Variants in USP7 observed in about 807,000 individuals in gnomAD.
The protein encoded by USP7 is ubiquitin specific peptidase 7.
Under a neutral mutation model 162.9 loss-of-function variants are expected in USP7, and 9 were observed. That is an observed-to-expected ratio of 0.06 (90% CI 0.03 to 0.10). The LOEUF (loss-of-function observed/expected upper bound fraction) is 0.10. Among genes scored for constraint, USP7 ranks in the 10% least tolerant of loss-of-function variants. USP7 has a pLI of 1.00. For missense variants in USP7, 715 were observed against 1,373.7 expected (o/e 0.52, Z 7.58); for synonymous variants, 562 against 475.9 (o/e 1.18, Z -2.35).
At chr16:8,947,792 C>A (rs1476704810) in intron 1 of USP7, among the ~76,000 whole-genome samples, 5 of 152,232 alleles carry the variant, frequency 3.3e-5, no homozygotes, top group African/African-American at 4.8e-5. Flanking sequence ...AGATGTGGGA[C>A]TGCCTGATGG....
At chr16:8,917,217 A>C (rs1159795263) in intron 6 of USP7, 61 bp from the exon 7 acceptor site, 1 of 1,529,652 alleles carries the variant, frequency 6.5e-7, no homozygotes, top group East Asian at 2.3e-5. Context: ...TTTAAAAAAC[A>C]GTAAGAATTT....
At chr16:8,894,226 A>G in intron 30 of USP7, 122 bp from the exon 31 acceptor site, 1 of 926,574 alleles carries the variant, frequency 1.1e-6, no homozygotes, top group Non-Finnish European at 1.7e-6. Flanking sequence ...CAGGGAAGCC[A>G]GGACCTGAGC....
In USP7 at chr16:8,893,106, C is replaced by T. The variant is rs990913561; in HGVS notation, c.*892G>A. 4 of 152,164 alleles carry T rather than the reference C, an allele frequency of 2.6e-5. No homozygotes were observed. Among genetic ancestry groups the T allele is most frequent in the Admixed American group, 2.6e-4 (4 of 15,274 alleles). The allele number at this position is 152,164 out of a possible 1,614,324, so 9.4% of individuals were successfully genotyped here. On this transcript the variant is annotated 3_prime_UTR_variant, in exon 31 of 31. Transcript: ENST00000344836. Reference sequence around the variant, plus strand: ...TGTACATGTTCATTCATTAAATATACAATTCATTTTTCCTTTTTTTTTCAT... The same window carrying T: ...TGTACATGTTCATTCATTAAATATATAATTCATTTTTCCTTTTTTTTTCAT...
chr16:8,923,098 A>C (rs751433015), intron 3 of USP7, 117 bp downstream of exon 3: 19 of 507,666 alleles, frequency 3.7e-5, no homozygotes, highest in Admixed American at 7.6e-5. Context: ...TTTTAAAGAG[A>C]AACACGTATT....
chr16:8,962,197 T>G (rs1029761961), intron 1 of USP7, among the ~76,000 whole-genome samples: 3 of 152,204 alleles, frequency 2.0e-5, no homozygotes, highest in Non-Finnish European at 4.4e-5. Flanking sequence ...AAAGCAAAAC[T>G]AAAGCATTCC....
At chr16:8,925,496 C>CAT (rs1418105968) in intron 2 of USP7, among the ~76,000 whole-genome samples, 1 of 152,172 alleles carries the variant, frequency 6.6e-6, no homozygotes, top group African/African-American at 2.4e-5. Context: ...AAAATCAATA[C>CAT]ATATTGTAAG....
At chr16:8,951,697 C>G (rs1323651893) in intron 1 of USP7, among the ~76,000 whole-genome samples, 3 of 152,228 alleles carry the variant, frequency 2.0e-5, no homozygotes, top group Admixed American at 1.3e-4. Context: ...ACCCTGAGCC[C>G]TCGCAGACAA....
chr16:8,952,986 G>A (rs191627851), intron 1 of USP7, among the ~76,000 whole-genome samples: 10 of 152,238 alleles, frequency 6.6e-5, no homozygotes, highest in Admixed American at 6.5e-4. Flanking sequence ...ACAGTCGCGT[G>A]TCACCATGCC....
At chr16:8,921,827 CA>C (rs1316465997) in intron 3 of USP7, among the ~76,000 whole-genome samples, 1 of 152,180 alleles carries the variant, frequency 6.6e-6, no homozygotes, top group Non-Finnish European at 1.5e-5. Flanking sequence ...GGGTGGACCA[CA>C]AAAGGGCCTC....
At chr16:8,961,504 A>AGGGGGGGG (rs71155425) in intron 1 of USP7, among the ~76,000 whole-genome samples, 1 of 60,558 alleles carries the variant, frequency 1.7e-5, no homozygotes, top group Non-Finnish European at 3.1e-5. Flanking sequence ...AAAAAAAAAA[A>AGGGGGGGG]GGGGGGGGGG....
rs868653044 is a variant in USP7 at position 8,961,947 on chromosome 16, G to A, written c.79+1260C>T. 5.3e-5 allele frequency among the ~76,000 whole-genome samples: 8 copies of A among 152,314 alleles called. No individual in the cohort carries two copies. In the Middle Eastern group the frequency reaches 0.01, roughly 194 times the overall value. ...TGCCATTGATAAATACCACTGGGGA[G>A]TGCCTACTGCAGAATCCCAGCCACT... On this transcript the variant is annotated intron_variant, in intron 1 of 30. Transcript: ENST00000344836.
Position 8,898,044 on chromosome 16 carries a change from C to G in USP7, c.2718+316G>C, listed in dbSNP as rs924286146. Among the ~76,000 whole-genome samples the G allele has an allele frequency of 2.6e-5, 4 of 152,198 alleles. No homozygotes were observed. In the East Asian group the frequency reaches 7.7e-4, roughly 29 times the overall value. On this transcript the variant is annotated intron_variant, in intron 25 of 30. Transcript: ENST00000344836. ...ACAGGCCTGCTGGACTCCCTGAGAT[C>G]AGGCCGCGGCAGGAAGAGCTGGAGA... is the stretch of plus-strand genomic sequence containing the variant.
rs764817274 is a variant in USP7, at chr16:8,926,352, G to A, written c.185-2939C>T. Among the ~76,000 whole-genome samples, 135 of 152,036 alleles carry A rather than the reference G, an allele frequency of 8.9e-4. 2 individuals are homozygous for A. Among genetic ancestry groups the A allele is most frequent in the Non-Finnish European group, 1.3e-4 (9 of 68,020 alleles). ...AAATTAGCTGGGTGTGGTGGTGCAC[G>A]CCTGTAATCCCAGCTACTTGGGAGG... On this transcript the variant is annotated intron_variant, in intron 2 of 30. Transcript: ENST00000344836.
intron 3 of USP7, 121 bp from the exon 4 acceptor site, chr16:8,921,416 G>C (rs1275389493): frequency 2.5e-6 from 3 of 1,185,934 alleles, no homozygotes; most frequent in East Asian, 2.6e-5. Flanking sequence ...CTCTCCTTTC[G>C]GGTTGGGGTT....
chr16:8,962,604 G>C, intron 1 of USP7: 1 of 306,734 alleles, frequency 3.3e-6, no homozygotes, highest in South Asian at 2.4e-5. Flanking sequence ...CCGAAAAACA[G>C]GTGGATTCGG....
At chr16:8,916,476 A>G in intron 8 of USP7, 26 bp downstream of exon 8, 2 of 1,599,164 alleles carry the variant, frequency 1.3e-6, no homozygotes, top group Non-Finnish European at 1.7e-6. Flanking sequence ...ATTGTAAGAA[A>G]TATACAAGTA....
intron 11 of USP7, 32 bp from the exon 12 acceptor site, chr16:8,908,482 T>C: frequency 1.3e-6 from 2 of 1,569,242 alleles, no homozygotes; most frequent in Non-Finnish European, 1.7e-6. Flanking sequence ...CAAATGTAGT[T>C]AGCCTCTACT....
At position 8,956,662 on chromosome 16, in the gene USP7, C is replaced by G. The variant is rs537147781; in HGVS notation, c.79+6545G>C. On this transcript the variant is annotated intron_variant, in intron 1 of 30. Transcript: ENST00000344836. ...GCCTGTAGTCCAGCTACTCGGGAGG[C>G]TGAGGCAGGAGTATGGCTTAAACCC... Among the ~76,000 whole-genome samples the G allele has an allele frequency of 1.8e-4, 27 of 152,132 alleles. No homozygotes were observed. The South Asian group carries it at 5.4e-3, about 30-fold the overall frequency.
At chr16:8,905,393 A>C in intron 13 of USP7, 62 bp from the exon 14 acceptor site, 1 of 1,588,576 alleles carries the variant, frequency 6.3e-7, no homozygotes. Context: ...CCAACACTAG[A>C]AGGCAGCGTT....
Sources: gnomAD v4.1 joint callset for allele counts (sites outside exome capture counted in the v4.1 genomes callset) on GRCh38, gnomAD v4.1.1 for gene constraint, MANE v1.5 for transcripts, NCBI Gene and HGNC (gene_info 2026-07-23, HGNC 2026-07-21) for gene names.